Variants in OLFML2A observed in about 807,000 individuals in gnomAD.
OLFML2A encodes olfactomedin like 2A.
A neutral mutation model predicts 60.9 loss-of-function variants in OLFML2A; 47 were observed. The observed-to-expected ratio is 0.77, with a 90% CI of 0.61 to 0.98. OLFML2A has a LOEUF of 0.98. Among genes scored for constraint, OLFML2A ranks in the 50% least tolerant of loss-of-function variants. The pLI is 0.00. For missense variants in OLFML2A, 922 were observed against 879.8 expected (o/e 1.05, Z -0.61); for synonymous variants, 372 against 375.0 (o/e 0.99, Z 0.09).
rs369965570 is a variant in OLFML2A, at chr9:124,810,164, C to T, written c.1711C>T (p.Arg571Trp). ...GGAGACCACGTGGAAGACACGGCTG[C>T]GGCGGAACTCCTACGGGAACTGCTT... ...HRETTWKTRLRRNSYGNCFLV... is the reference protein window; with the variant it reads ...HRETTWKTRLWRNSYGNCFLV... The change falls in exon 8 of 8, where the codon CGG (arginine) becomes TGG (tryptophan). Residue 571 changes from arginine (R) to tryptophan (W), a missense_variant. Coordinates refer to ENST00000373580, the MANE Select transcript of OLFML2A (RefSeq NM_182487.4). The T allele has an allele frequency of 2.4e-5, 39 of 1,613,762 alleles. No homozygotes were observed. The highest frequency in any genetic ancestry group is 3.0e-5 in the Non-Finnish European group (35 of 1,180,016).
chr9:124,797,707 A>C (rs958710197), intron 3 of OLFML2A, among the ~76,000 whole-genome samples: 1 of 152,204 alleles, frequency 6.6e-6, no homozygotes, highest in Non-Finnish European at 1.5e-5. Context: ...TCCCAGATCT[A>C]CTAGAGCTTT....
Position 124,801,619 on chromosome 9 carries a change from C to G in OLFML2A, c.875C>G (p.Thr292Ser), listed in dbSNP as rs766205017. 2 of 1,613,692 alleles carry G rather than the reference C, an allele frequency of 1.2e-6. No homozygotes were observed. Among genetic ancestry groups the G allele is most frequent in the East Asian group, 4.5e-5 (2 of 44,882 alleles). The change falls in exon 5 of 8, where the codon ACC (threonine) becomes AGC (serine). Residue 292 changes from threonine to serine, a missense_variant. Coordinates refer to ENST00000373580, the MANE Select transcript of OLFML2A (RefSeq NM_182487.4). Reference sequence around the variant, plus strand: ...CAGCAGGCTGTGATCCGGGGCTTCACCTACTACAAGGCAGGCAAGCAGGAG... The same window carrying G: ...CAGCAGGCTGTGATCCGGGGCTTCAGCTACTACAAGGCAGGCAAGCAGGAG... ...AQQQAVIRGF[T>S]YYKAGKQEVT...
chr9:124,791,635 G>A (rs1841569272), intron 2 of OLFML2A, among the ~76,000 whole-genome samples: 1 of 151,330 alleles, frequency 6.6e-6, no homozygotes, highest in African/African-American at 2.4e-5. Context: ...CTACTTGGGA[G>A]GCTGGGGCAG....
chr9:124,801,981 C>T (rs1841788094), intron 5 of OLFML2A, among the ~76,000 whole-genome samples: 1 of 152,142 alleles, frequency 6.6e-6, no homozygotes, highest in African/African-American at 2.4e-5. Flanking sequence ...ATGGTAGAGA[C>T]ACAGTCCCTG....
chr9:124,790,173 A>ATT (rs568220238), intron 2 of OLFML2A, among the ~76,000 whole-genome samples: 7 of 147,336 alleles, frequency 4.8e-5, no homozygotes, highest in African/African-American at 1.7e-4. Context: ...CAGTATTAAG[A>ATT]TTTTTTTTTT....
At chr9:124,802,938 C>T (rs1400462731) in intron 5 of OLFML2A, among the ~76,000 whole-genome samples, 3 of 151,490 alleles carry the variant, frequency 2.0e-5, no homozygotes, top group African/African-American at 4.9e-5. Flanking sequence ...GACAGAGTTT[C>T]GCTGTTGTCA....
chr9:124,789,985 C>G (rs1001336217), intron 2 of OLFML2A, among the ~76,000 whole-genome samples: 2 of 152,192 alleles, frequency 1.3e-5, no homozygotes, highest in African/African-American at 4.8e-5. Context: ...GAATATTGTA[C>G]ACATGTTTGA....
chr9:124,796,252 A>G (rs1406228085), intron 3 of OLFML2A, among the ~76,000 whole-genome samples: 2 of 152,208 alleles, frequency 1.3e-5, no homozygotes, highest in Non-Finnish European at 2.9e-5. Context: ...CTATTGGCCA[A>G]GCCCCTGGCA....
intron 1 of OLFML2A, among the ~76,000 whole-genome samples, chr9:124,780,866 T>C (rs952701403): frequency 5.3e-5 from 8 of 152,194 alleles, no homozygotes; most frequent in Non-Finnish European, 8.8e-5. Flanking sequence ...AAGAGTCTGA[T>C]TGAGGTTGTT....
Position 124,779,079 on chromosome 9 carries a change from C to A in OLFML2A, c.90+1719C>A. 2 of 328,248 alleles carry A rather than the reference C, an allele frequency of 6.1e-6. No individual in the cohort carries two copies. The highest frequency in any genetic ancestry group is 8.7e-6 in the Non-Finnish European group (2 of 229,438). The allele number at this position is 328,248 out of a possible 1,614,324, so 20.3% of individuals were successfully genotyped here. ...CCACGTACAACGCTGCTCATGTACT[C>A]CAGAGACAAGGAGGGAATGAGTATT... On this transcript the variant is annotated intron_variant, in intron 1 of 7. Transcript: ENST00000373580. The surrounding 1 kb of genome is among the most constrained non-coding windows in gnomAD (Gnocchi z 4.1).
chr9:124,804,008 T>G, intron 5 of OLFML2A, 86 bp from the exon 6 acceptor site: 61 of 1,467,348 alleles, frequency 4.2e-5, no homozygotes, highest in African/African-American at 7.0e-5. Flanking sequence ...TGAGGGCCCC[T>G]GAGATGGGGG....
chr9:124,788,552 G>A (rs1048187604), intron 2 of OLFML2A, among the ~76,000 whole-genome samples: 9 of 152,200 alleles, frequency 5.9e-5, no homozygotes, highest in African/African-American at 2.2e-4. Context: ...GTTGCAGTGA[G>A]CCAAGATCGT....
In OLFML2A at chr9:124,801,454, G is replaced by C; in HGVS notation, c.710G>C (p.Gly237Ala). The C allele has an allele frequency of 1.2e-6, 2 of 1,614,080 alleles. No individual in the cohort carries two copies. The highest frequency in any genetic ancestry group is 2.2e-5 in the South Asian group (2 of 91,076). ...RGKGKDISKY[G>A]SVQKSFADRG... ...AAAGGCAAGGACATCAGCAAGTATG[G>C]CAGTGTGCAGAAAAGCTTTGCAGAC... is the stretch of plus-strand genomic sequence containing the variant. Residue 237 changes from glycine (G) to alanine (A), a missense_variant, in exon 5 of 8, where the codon GGC (glycine) becomes GCC (alanine). By Grantham distance (60) the Gly-to-Ala change is moderately conservative (BLOSUM62 0). Coordinates refer to ENST00000373580, the MANE Select transcript of OLFML2A (RefSeq NM_182487.4).
rs1588886498 is a variant in OLFML2A at position 124,801,041 on chromosome 9, A to G, written c.670-373A>G. The G allele has an allele frequency of 1.9e-6, 3 of 1,551,586 alleles. No homozygotes were observed. In the East Asian group the frequency reaches 7.3e-5, roughly 38 times the overall value. ...AGAACCTCTCCCCTGCCCACGTACTAAGACCAATGAGTAAGAGAGACAAGG... is the reference window on the plus strand; with the variant it reads ...AGAACCTCTCCCCTGCCCACGTACTGAGACCAATGAGTAAGAGAGACAAGG... On this transcript the variant is annotated intron_variant, in intron 4 of 7. Coordinates refer to ENST00000373580, the MANE Select transcript of OLFML2A (RefSeq NM_182487.4).
rs1336516762 is a variant in OLFML2A, at chr9:124,799,357, A to G, written c.535A>G (p.Arg179Gly). Residue 179 changes from arginine to glycine, a missense_variant, in exon 4 of 8, where the codon AGG becomes GGG. By Grantham distance (125) the Arg-to-Gly change is moderately radical. Coordinates refer to ENST00000373580, the MANE Select transcript of OLFML2A (RefSeq NM_182487.4). ...DSVRHLSEQL[R>G]HYENHSAIML... is the part of the protein sequence containing the mutation. Reference sequence around the variant, plus strand: ...CGTGCGCCACCTCAGTGAGCAGTTGAGGCACTATGAGAATCACTCTGCCAT... The same window carrying G: ...CGTGCGCCACCTCAGTGAGCAGTTGGGGCACTATGAGAATCACTCTGCCAT... 6.2e-7 allele frequency: 1 copy of G among 1,613,526 alleles called. No homozygotes were observed. The highest frequency in any genetic ancestry group is 8.5e-7 in the Non-Finnish European group (1 of 1,179,770).
At chr9:124,786,776 A>G (rs1474194310) in intron 1 of OLFML2A, among the ~76,000 whole-genome samples, 199 bp from the exon 2 acceptor site, 2 of 151,140 alleles carry the variant, frequency 1.3e-5, no homozygotes, top group Admixed American at 6.6e-5. Context: ...ACACACACAC[A>G]CACACACACA....
At chr9:124,807,226 G>A (rs1295415928) in intron 6 of OLFML2A, among the ~76,000 whole-genome samples, 1 of 150,888 alleles carries the variant, frequency 6.6e-6, no homozygotes, top group African/African-American at 2.4e-5. Flanking sequence ...GCCTGGCCGA[G>A]TTTGACTATT....
chr9:124,784,960 T>TTTTTTTG (rs1564281349), intron 1 of OLFML2A, among the ~76,000 whole-genome samples: 5 of 119,590 alleles, frequency 4.2e-5, no homozygotes, highest in Non-Finnish European at 8.5e-5. Flanking sequence ...TTTTTTTTTT[T>TTTTTTTG]TTTTTTTTTT....
chr9:124,801,120 GC>G, intron 4 of OLFML2A: 1 of 1,462,692 alleles, frequency 6.8e-7, no homozygotes, highest in Non-Finnish European at 9.3e-7. Flanking sequence ...GGTCCTTCTA[GC>G]CTGCCCCCCA....
Sources: allele counts gnomAD v4.1 joint callset (sites outside exome capture counted in the v4.1 genomes callset), GRCh38; gene constraint gnomAD v4.1.1; non-coding constraint Gnocchi (gnomAD v3.1); transcripts MANE v1.5; gene names NCBI Gene and HGNC (gene_info 2026-07-23, HGNC 2026-07-21).